DNAH14: variants seen among roughly 807,000 people sequenced by gnomAD.
DNAH14 encodes dynein axonemal heavy chain 14.
A neutral mutation model predicts 520.9 loss-of-function variants in DNAH14; 478 were observed. The ratio of observed to expected loss-of-function variants is 0.92; its 90% CI spans 0.85 to 0.99. The LOEUF is 0.99. DNAH14 is among the 50% of genes least tolerant of loss of function. The pLI is 0.00. For synonymous variants in DNAH14, 1,581 were observed against 1,757.2 expected, an observed-to-expected ratio of 0.90 and a Z score of 2.51; for missense variants, 4,831 against 5,234.5, an observed-to-expected ratio of 0.92 and a Z score of 2.38.
At chr1:225,152,591 G>T in intron 32 of DNAH14, 106 bp from the exon 33 acceptor site, 1 of 1,034,538 alleles carries the variant, frequency 9.7e-7, no homozygotes, top group Non-Finnish European at 1.4e-6. Context: ...TCAGATAAAG[G>T]TCACACAGAA....
intron 12 of DNAH14, 108 bp downstream of exon 12, chr1:225,038,931 C>T: frequency 1.0e-6 from 1 of 965,420 alleles, no homozygotes; most frequent in Non-Finnish European, 1.5e-6. Flanking sequence ...CCTTACCCAA[C>T]ATACCCTCGC....
intron 35 of DNAH14, 114 bp from the exon 36 acceptor site, chr1:225,167,825 A>AT (rs1471215155): frequency 1.9e-6 from 1 of 532,110 alleles, no homozygotes; most frequent in African/African-American, 2.0e-5. Flanking sequence ...AAAATCAAGA[A>AT]TTACTATCTT....
intron 35 of DNAH14, among the ~76,000 whole-genome samples, chr1:225,162,263 G>A (rs188001491): frequency 3.3e-5 from 5 of 152,164 alleles, no homozygotes; most frequent in Admixed American, 1.3e-4. Flanking sequence ...ATTGAAGTAC[G>A]TTCCTGACAC....
At chr1:225,089,731 A>G (rs746111616) in intron 21 of DNAH14, among the ~76,000 whole-genome samples, 1 of 152,164 alleles carries the variant, frequency 6.6e-6, no homozygotes, top group Non-Finnish European at 1.5e-5. Flanking sequence ...AAAACAGAAG[A>G]TATTCTCAGT....
chr1:225,386,160 G>T (rs889509658), intron 81 of DNAH14, among the ~76,000 whole-genome samples: 21 of 152,190 alleles, frequency 1.4e-4, no homozygotes, highest in Non-Finnish European at 1.2e-4. Context: ...ATGGTGCTGG[G>T]AAAACTGGCT....
At chr1:225,318,550 A>G (rs1316805728) in intron 60 of DNAH14, 33 bp from the exon 61 acceptor site, 11 of 1,504,928 alleles carry the variant, frequency 7.3e-6, no homozygotes, top group Non-Finnish European at 9.8e-6. Context: ...ATATTGATTC[A>G]TATGTGTTTG....
At chr1:225,290,231 T>G in intron 55 of DNAH14, 149 bp downstream of exon 55, 2 of 524,662 alleles carry the variant, frequency 3.8e-6, no homozygotes, top group Non-Finnish European at 6.3e-6. Flanking sequence ...CAGTATTCTC[T>G]GTTCTTATCT....
intron 42 of DNAH14, among the ~76,000 whole-genome samples, chr1:225,236,269 T>C (rs1472010505): frequency 6.6e-6 from 1 of 152,228 alleles, no homozygotes; most frequent in Non-Finnish European, 1.5e-5. Context: ...ATTTCTGCCT[T>C]AATTTCATTA....
At chr1:225,394,384 T>A (rs1453420368) in intron 84 of DNAH14, among the ~76,000 whole-genome samples, 1 of 152,190 alleles carries the variant, frequency 6.6e-6, no homozygotes, top group East Asian at 1.9e-4. Flanking sequence ...GAACAAAAAT[T>A]TTTTTGTTTT....
At chr1:225,027,983 T>G (rs1366350767) in intron 11 of DNAH14, among the ~76,000 whole-genome samples, 1 of 152,092 alleles carries the variant, frequency 6.6e-6, no homozygotes, top group Non-Finnish European at 1.5e-5. Context: ...TTGGGATAAA[T>G]CCCACTTAAT....
chr1:225,036,476 T>C (rs1244801401), intron 11 of DNAH14, among the ~76,000 whole-genome samples: 1 of 151,784 alleles, frequency 6.6e-6, no homozygotes, highest in Non-Finnish European at 1.5e-5. Flanking sequence ...GAGAGTTTAT[T>C]AGAGGTTTGG....
At chr1:225,085,883 A>G (rs1054919026) in intron 21 of DNAH14, 94 bp downstream of exon 21, 2 of 1,265,250 alleles carry the variant, frequency 1.6e-6, no homozygotes, top group South Asian at 1.8e-5. Flanking sequence ...TTTGAATTGT[A>G]TAAATCATTC....
chr1:224,997,008 G>A (rs2063437547), intron 8 of DNAH14, among the ~76,000 whole-genome samples: 1 of 152,080 alleles, frequency 6.6e-6, no homozygotes, highest in Admixed American at 6.6e-5. Context: ...GCCATCTAGG[G>A]ATATAAGCCA....
intron 81 of DNAH14, 106 bp downstream of exon 81, chr1:225,381,685 A>C: frequency 1.1e-6 from 1 of 915,336 alleles, no homozygotes; most frequent in Non-Finnish European, 1.6e-6. Context: ...GAAATATGTA[A>C]CTCTTAAAAG....
intron 8 of DNAH14, among the ~76,000 whole-genome samples, chr1:224,986,518 A>G (rs573552145): frequency 6.7e-6 from 1 of 149,982 alleles, no homozygotes; most frequent in East Asian, 1.9e-4. Flanking sequence ...TTGCATATTG[A>G]TTGATATGCA....
intron 65 of DNAH14, 73 bp from the exon 66 acceptor site, chr1:225,333,218 A>C: frequency 8.0e-7 from 1 of 1,247,866 alleles, no homozygotes. Flanking sequence ...TCCAACTTGG[A>C]AATCATTAAT....
At chr1:225,238,273 G>C (rs1319076650) in intron 42 of DNAH14, among the ~76,000 whole-genome samples, 2 of 152,118 alleles carry the variant, frequency 1.3e-5, no homozygotes, top group African/African-American at 4.8e-5. Flanking sequence ...CTTTGATCTT[G>C]CTGACCTTCG....
In DNAH14 at chr1:225,357,876, T is replaced by G. The variant is rs1393111704; in HGVS notation, c.11620-620T>G. On this transcript the variant is annotated intron_variant, in intron 73 of 85. Transcript: ENST00000682510. ...ATTGTGTAGACAAATATCATGTAAG[T>G]GATTTGTATAAAACAGTTTTTATGG... 3 of 701,448 alleles carry G rather than the reference T, an allele frequency of 4.3e-6. No homozygotes were observed. In the East Asian group the frequency reaches 8.1e-5, roughly 19 times the overall value. 43.5% of individuals were successfully genotyped at this position (701,448 alleles called of 1,614,324 possible). A position where few individuals can be genotyped will look rare whatever the true frequency, so the allele number is the denominator to read the frequency against.
chr1:225,033,505 G>A (rs987848149), intron 11 of DNAH14, among the ~76,000 whole-genome samples: 2 of 152,226 alleles, frequency 1.3e-5, no homozygotes, highest in African/African-American at 4.8e-5. Context: ...TTGAAGTTGG[G>A]TGATGCGGTT....
Sources: allele counts gnomAD v4.1 joint callset (sites outside exome capture counted in the v4.1 genomes callset), GRCh38; gene constraint gnomAD v4.1.1; transcripts MANE v1.5; gene names NCBI Gene and HGNC (gene_info 2026-07-23, HGNC 2026-07-21).